THSD4: variants seen among roughly 807,000 people sequenced by gnomAD.
THSD4 encodes the protein thrombospondin type-1 domain-containing protein 4.
In THSD4, 69 loss-of-function variants were observed where a neutral mutation model predicts 119.0. The observed-to-expected ratio is 0.58, with a 90% CI of 0.48 to 0.71. THSD4 has a LOEUF of 0.71. THSD4 is among the 30% of genes least tolerant of loss of function. The probability of loss-of-function intolerance (pLI) is 0.00; values close to 1 mark genes in which losing one functional copy is unlikely to be tolerated. For synonymous variants in THSD4, 524 were observed against 540.4 expected, an observed-to-expected ratio of 0.97 and a Z score of 0.42; for missense variants, 1,393 against 1,391.1, an observed-to-expected ratio of 1.00 and a Z score of -0.02.
At chr15:71,712,805 T>C (rs2052541509) in intron 8 of THSD4, among the ~76,000 whole-genome samples, 1 of 152,296 alleles carries the variant, frequency 6.6e-6, no homozygotes, top group South Asian at 2.1e-4. Flanking sequence ...AAATGCATTA[T>C]GCTAAGTGGA....
chr15:71,303,129 G>A (rs1261623075), intron 6 of THSD4, among the ~76,000 whole-genome samples: 1 of 151,756 alleles, frequency 6.6e-6, no homozygotes, highest in Non-Finnish European at 1.5e-5. Context: ...CCCAGGAGGA[G>A]ACTCAAGGCA....
At chr15:71,393,573 G>T (rs966298262) in intron 6 of THSD4, among the ~76,000 whole-genome samples, 5 of 152,114 alleles carry the variant, frequency 3.3e-5, no homozygotes, top group Admixed American at 1.3e-4. Flanking sequence ...GTTTGTGCGT[G>T]AGCAGATGGC....
At chr15:71,719,564 G>A (rs2052674230) in intron 8 of THSD4, among the ~76,000 whole-genome samples, 1 of 152,188 alleles carries the variant, frequency 6.6e-6, no homozygotes, top group South Asian at 2.1e-4. Context: ...ATATCCAGAT[G>A]GAAGCAGAAC....
intron 7 of THSD4, among the ~76,000 whole-genome samples, chr15:71,427,769 A>G (rs1417665243): frequency 6.6e-6 from 1 of 151,340 alleles, no homozygotes; most frequent in African/African-American, 2.4e-5. Context: ...GTAATGGGAA[A>G]CCCTCCATTA....
chr15:71,758,224 A>G (rs2053577153), intron 15 of THSD4, 149 bp downstream of exon 15: 2 of 1,028,746 alleles, frequency 1.9e-6, no homozygotes, highest in African/African-American at 1.6e-5. Context: ...AGCTATTTAT[A>G]TTTCTGGAGC....
chr15:71,173,089 C>G (rs1402685648), intron 3 of THSD4, among the ~76,000 whole-genome samples: 3 of 152,078 alleles, frequency 2.0e-5, no homozygotes, highest in African/African-American at 4.8e-5. Context: ...AATACTTTTT[C>G]TCTTCACAGA....
intron 7 of THSD4, among the ~76,000 whole-genome samples, chr15:71,449,041 T>G (rs2047228481): frequency 6.6e-6 from 1 of 152,072 alleles, no homozygotes; most frequent in South Asian, 2.1e-4. Flanking sequence ...AACCAGAAAA[T>G]GGACTGGCCA....
At chr15:71,563,367 T>A (rs556541409) in intron 7 of THSD4, among the ~76,000 whole-genome samples, 1 of 152,178 alleles carries the variant, frequency 6.6e-6, no homozygotes, top group South Asian at 2.1e-4. Flanking sequence ...TGGAACCGTA[T>A]CTTCTAAATG....
chr15:71,521,286 C>G (rs1236167196), intron 7 of THSD4, among the ~76,000 whole-genome samples: 1 of 152,084 alleles, frequency 6.6e-6, no homozygotes, highest in Non-Finnish European at 1.5e-5. Context: ...ATTATGGATA[C>G]TTTTCTATTA....
At chr15:71,532,329 T>TGA (rs2048625940) in intron 7 of THSD4, among the ~76,000 whole-genome samples, 2 of 146,936 alleles carry the variant, frequency 1.4e-5, no homozygotes, top group Non-Finnish European at 3.0e-5. Context: ...TGTGTGTGTG[T>TGA]GTGATGGAGT....
At chr15:71,308,192 A>G (rs2045059146) in intron 6 of THSD4, among the ~76,000 whole-genome samples, 1 of 152,124 alleles carries the variant, frequency 6.6e-6, no homozygotes, top group Non-Finnish European at 1.5e-5. Flanking sequence ...CCCAGAGGTT[A>G]CCTCCCAGGA....
chr15:71,566,777 C>T (rs72737273), intron 7 of THSD4, among the ~76,000 whole-genome samples: 1 of 151,230 alleles, frequency 6.6e-6, no homozygotes. Flanking sequence ...GCCATTCCCA[C>T]TTGGTCATCA....
chr15:71,283,152 G>T (rs1184341931), intron 6 of THSD4, among the ~76,000 whole-genome samples: 2 of 152,026 alleles, frequency 1.3e-5, no homozygotes, highest in African/African-American at 2.4e-5. Context: ...TGTATTTTTA[G>T]TAGAGACGGG....
At chr15:71,532,091 G>A (rs533054748) in intron 7 of THSD4, among the ~76,000 whole-genome samples, 27 of 151,622 alleles carry the variant, frequency 1.8e-4, no homozygotes, top group African/African-American at 6.0e-4. Flanking sequence ...AGTAAGTAAG[G>A]TTACACTGTT....
intron 7 of THSD4, among the ~76,000 whole-genome samples, chr15:71,625,793 AT>A (rs1240830894): frequency 6.6e-6 from 1 of 152,196 alleles, no homozygotes; most frequent in East Asian, 1.9e-4. Flanking sequence ...GGAGCTCACA[AT>A]TCCAGGGTGG....
intron 6 of THSD4, among the ~76,000 whole-genome samples, chr15:71,391,445 C>CT (rs2046378498): frequency 6.6e-6 from 1 of 152,138 alleles, no homozygotes; most frequent in South Asian, 2.1e-4. Flanking sequence ...TCCCAAAGGA[C>CT]TAAGATTATA....
At chr15:71,368,763 T>C (rs1055121420) in intron 6 of THSD4, among the ~76,000 whole-genome samples, 14 of 152,204 alleles carry the variant, frequency 9.2e-5, no homozygotes, top group African/African-American at 2.4e-4. Context: ...GTCTTGGCTA[T>C]GTGCGCTCTT....
intron 7 of THSD4, among the ~76,000 whole-genome samples, chr15:71,511,821 G>T (rs2048287999): frequency 6.6e-6 from 1 of 152,186 alleles, no homozygotes; most frequent in Non-Finnish European, 1.5e-5. Context: ...ACCTCTCAGG[G>T]CTTAGCTTTA....
chr15:71,357,893 AGG>A (rs895670025), intron 6 of THSD4, among the ~76,000 whole-genome samples: 1 of 151,776 alleles, frequency 6.6e-6, no homozygotes, highest in African/African-American at 2.4e-5. Context: ...TTATTCAAAG[AGG>A]GGGAAAAAGC....
Sources: allele counts gnomAD v4.1 joint callset (sites outside exome capture counted in the v4.1 genomes callset), GRCh38; gene constraint gnomAD v4.1.1; transcripts MANE v1.5; gene names NCBI Gene and HGNC (gene_info 2026-07-23, HGNC 2026-07-21).